The following SNX29 variants were observed in gnomAD, a reference collection of about 807,000 sequenced individuals.
The protein encoded by SNX29 is sorting nexin 29.
Under a neutral mutation model 102.1 loss-of-function variants are expected in SNX29, and 78 were observed. The observed-to-expected ratio is 0.76, with a 90% CI of 0.64 to 0.92. The LOEUF is 0.92. Ranked by LOEUF, SNX29 falls within the 40% of genes least tolerant of loss-of-function variation. The probability of loss-of-function intolerance (pLI) is 0.00; values close to 1 mark genes in which losing one functional copy is unlikely to be tolerated. For synonymous variants in SNX29, 580 were observed against 414.5 expected (o/e 1.40, Z -4.85); for missense variants, 1,280 against 1,061.7 (o/e 1.21, Z -2.86).
chr16:12,188,171 C>G lies in SNX29; in HGVS notation c.1596-11430C>G, dbSNP rs1178614371. On this transcript the variant is annotated intron_variant, in intron 13 of 20. Transcript: ENST00000566228. ...TAATAATGATGATGACAATGAATTA[C>G]TAACCGCTAACATTTATTTAATAAT... Among the ~76,000 whole-genome samples the G allele has an allele frequency of 2.0e-5, 3 of 152,160 alleles. No homozygotes were observed. The South Asian group carries it at 6.2e-4, about 32-fold the overall frequency.
intron 20 of SNX29, among the ~76,000 whole-genome samples, chr16:12,535,377 T>C (rs2077046101): frequency 6.6e-6 from 1 of 152,200 alleles, no homozygotes; most frequent in Non-Finnish European, 1.5e-5. Context: ...CTCAAGTGAT[T>C]CACCCATCTC....
intron 11 of SNX29, among the ~76,000 whole-genome samples, chr16:12,116,737 A>G (rs1320943545): frequency 1.3e-5 from 2 of 152,148 alleles, no homozygotes; most frequent in Admixed American, 1.3e-4. Context: ...AAACAGGCTT[A>G]GTCAATACAT....
At position 12,570,502 on chromosome 16, in the gene SNX29, T is replaced by C. The variant is rs140493597; in HGVS notation, c.*1873T>C. The C allele has an allele frequency of 4.3e-6, 1 of 232,948 alleles. No homozygotes were observed. The highest frequency in any genetic ancestry group is 2.2e-5 in the African/African-American group (1 of 45,406). The allele number at this position is 232,948 out of a possible 1,614,324, so 14.4% of individuals were successfully genotyped here. On this transcript the variant is annotated 3_prime_UTR_variant, in exon 21 of 21. Transcript: ENST00000566228. ...CTGCTGTATGTCATGACCCCTTAGG[T>C]TGGGTTTATGCCACATCGGTCATTT...
chr16:12,542,904 G>A (rs1472803413), intron 20 of SNX29, among the ~76,000 whole-genome samples: 1 of 152,116 alleles, frequency 6.6e-6, no homozygotes, highest in Non-Finnish European at 1.5e-5. Context: ...GATTTGAGTA[G>A]GGAATCTTTG....
chr16:12,415,244 G>C (rs562102672), intron 18 of SNX29, among the ~76,000 whole-genome samples: 5 of 152,240 alleles, frequency 3.3e-5, no homozygotes, highest in African/African-American at 9.6e-5. Context: ...AGGTATAAGC[G>C]CTGTACAAGC....
chr16:12,233,051 T>C (rs1319960044), intron 14 of SNX29, among the ~76,000 whole-genome samples: 1 of 152,226 alleles, frequency 6.6e-6, no homozygotes, highest in African/African-American at 2.4e-5. Flanking sequence ...GAAGAGCAGC[T>C]TGATTTGCTG....
rs1001866341 is a variant in SNX29, at chr16:12,569,364, T to A, written c.*735T>A. On this transcript the variant is annotated 3_prime_UTR_variant, in exon 21 of 21. Coordinates refer to ENST00000566228, the MANE Select transcript of SNX29 (RefSeq NM_032167.5). ...ACCTAGGCCCTCGCCAGGCTTGGAG[T>A]GGGGGGACTCAGACATCTGGCCCAG... is the stretch of plus-strand genomic sequence containing the variant. 2 of 229,988 alleles carry A rather than the reference T, an allele frequency of 8.7e-6. No homozygotes were observed. Among genetic ancestry groups the A allele is most frequent in the Non-Finnish European group, 1.7e-5 (2 of 116,226 alleles). The allele number at this position is 229,988 out of a possible 1,614,324, so 14.2% of individuals were successfully genotyped here.
intron 13 of SNX29, among the ~76,000 whole-genome samples, chr16:12,175,795 C>G (rs976680739): frequency 3.3e-5 from 5 of 151,816 alleles, no homozygotes; most frequent in African/African-American, 1.2e-4. Context: ...TTGAGGATCT[C>G]TTGGAGTTTG....
intron 16 of SNX29, among the ~76,000 whole-genome samples, chr16:12,365,298 C>A (rs2082428939): frequency 6.6e-6 from 1 of 151,158 alleles, no homozygotes; most frequent in Admixed American, 6.6e-5. Context: ...CCTTTCTTAT[C>A]TCTCCTTCTC....
intron 11 of SNX29, among the ~76,000 whole-genome samples, chr16:12,112,537 G>T (rs1032567682): frequency 5.3e-5 from 8 of 152,232 alleles, no homozygotes; most frequent in Non-Finnish European, 1.2e-4. Flanking sequence ...GTGGAATCCT[G>T]CTCACAAGGG....
chr16:12,371,019 A>G (rs896445531), intron 16 of SNX29, among the ~76,000 whole-genome samples: 1 of 152,226 alleles, frequency 6.6e-6, no homozygotes, highest in African/African-American at 2.4e-5. Flanking sequence ...TTTCTTGCCC[A>G]TGAGGTCTGC....
chr16:12,283,750 G>A (rs138586130), intron 15 of SNX29, among the ~76,000 whole-genome samples: 1 of 152,360 alleles, frequency 6.6e-6, no homozygotes, highest in Non-Finnish European at 1.5e-5. Context: ...TCTTGTGGGT[G>A]AGGCAGACGT....
intron 20 of SNX29, among the ~76,000 whole-genome samples, chr16:12,535,783 G>C (rs1379418820): frequency 6.6e-6 from 1 of 151,894 alleles, no homozygotes; most frequent in African/African-American, 2.4e-5. Context: ...GGTCCTCAGA[G>C]TATAGAGGCC....
At position 12,033,305 on chromosome 16, in the gene SNX29, C is replaced by G. The variant is rs141150637; in HGVS notation, c.247+5861C>G. On this transcript the variant is annotated intron_variant, in intron 4 of 20. Transcript: ENST00000566228. Reference sequence around the variant, plus strand: ...TTTTGTAGGGACAGTATCTTACTATCTTGCCCAGGCTGGTCTCAAATTCCT... The same window carrying G: ...TTTTGTAGGGACAGTATCTTACTATGTTGCCCAGGCTGGTCTCAAATTCCT... Among the ~76,000 whole-genome samples, 856 of 151,708 alleles carry G rather than the reference C, an allele frequency of 5.6e-3. 12 individuals are homozygous for G. The highest frequency in any genetic ancestry group is 0.019 in the African/African-American group (789 of 41,322).
At chr16:12,444,034 A>G (rs2085929762) in intron 18 of SNX29, among the ~76,000 whole-genome samples, 1 of 151,808 alleles carries the variant, frequency 6.6e-6, no homozygotes. Context: ...AGCACTCAGT[A>G]TAGCACCTAG....
At chr16:12,401,143 T>C (rs2083924519) in intron 17 of SNX29, among the ~76,000 whole-genome samples, 1 of 152,090 alleles carries the variant, frequency 6.6e-6, no homozygotes, top group Non-Finnish European at 1.5e-5. Flanking sequence ...AGTACCCCAC[T>C]TTTAATAATG....
chr16:12,462,240 G>A (rs981373818), intron 18 of SNX29, among the ~76,000 whole-genome samples: 4 of 151,338 alleles, frequency 2.6e-5, no homozygotes, highest in African/African-American at 9.7e-5. Context: ...TTCACTTTCC[G>A]CCATTCACTC....
chr16:12,532,850 C>A (rs760380948), intron 20 of SNX29, among the ~76,000 whole-genome samples: 38 of 152,194 alleles, frequency 2.5e-4, no homozygotes, highest in Non-Finnish European at 4.7e-4. Context: ...CAGTGTCTCC[C>A]AGAGAAGCCT....
intron 15 of SNX29, among the ~76,000 whole-genome samples, chr16:12,286,163 C>T (rs553786093): frequency 6.7e-6 from 1 of 149,848 alleles, no homozygotes; most frequent in South Asian, 2.1e-4. Flanking sequence ...TTTTTTTAAT[C>T]ACATGAAGCT....
Sources: gnomAD v4.1 joint callset for allele counts (sites outside exome capture counted in the v4.1 genomes callset) on GRCh38, gnomAD v4.1.1 for gene constraint, MANE v1.5 for transcripts, NCBI Gene and HGNC (gene_info 2026-07-23, HGNC 2026-07-21) for gene names.